PCDHGB6: variants seen among roughly 807,000 people sequenced by gnomAD.
PCDHGB6 encodes the protein protocadherin gamma subfamily B, 6.
A neutral mutation model predicts 59.1 loss-of-function variants in PCDHGB6; 51 were observed. The observed-to-expected ratio is 0.86, with a 90% CI of 0.69 to 1.09. The LOEUF is 1.09. Among genes scored for constraint, PCDHGB6 ranks in the 50% least tolerant of loss-of-function variants. PCDHGB6 has a pLI of 0.00. For missense variants in PCDHGB6, 1,148 were observed against 1,205.1 expected, an observed-to-expected ratio of 0.95 and a Z score of 0.70; for synonymous variants, 466 against 495.1, an observed-to-expected ratio of 0.94 and a Z score of 0.78.
At chr5:141,420,403 G>T in intron 1 of PCDHGB6, 3 of 1,246,014 alleles carry the variant, frequency 2.4e-6, no homozygotes, top group East Asian at 2.8e-5. Context: ...TCAAATTTAT[G>T]GTTATCATTA....
chr5:141,422,028 A>C, intron 1 of PCDHGB6: 1 of 1,611,196 alleles, frequency 6.2e-7, no homozygotes, highest in Non-Finnish European at 8.5e-7. Flanking sequence ...TGGTTAATGC[A>C]ACGGATCCAG....
chr5:141,497,892 C>T (rs2099780275), intron 2 of PCDHGB6, among the ~76,000 whole-genome samples: 1 of 152,138 alleles, frequency 6.6e-6, no homozygotes, highest in Admixed American at 6.6e-5. Flanking sequence ...AGGATCTAGT[C>T]CAGTAACTTC....
At chr5:141,446,669 C>T (rs554578186) in intron 1 of PCDHGB6, among the ~76,000 whole-genome samples, 2 of 152,182 alleles carry the variant, frequency 1.3e-5, no homozygotes, top group Admixed American at 1.3e-4. Flanking sequence ...TACAAGACAG[C>T]ATTTCACCAT....
chr5:141,422,513 G>T, intron 1 of PCDHGB6: 2 of 1,614,000 alleles, frequency 1.2e-6, no homozygotes, highest in Non-Finnish European at 1.7e-6. Context: ...ACAGACCAGG[G>T]AAGCCCGCCT....
rs746614262 is a variant in PCDHGB6, at chr5:141,409,360, A to G, written c.1158A>G (p.Ile386Met). ...GAAATGGAGAAGTCAGGTGTAATAT[A>G]GAAACAGACATTCCATTCAAGATTT... Reference protein sequence around the residue: ...FGGNGEVRCNIETDIPFKIYS... With the variant: ...FGGNGEVRCNMETDIPFKIYS... Residue 386 changes from isoleucine to methionine, a missense_variant, in exon 1 of 4, where the codon ATA (isoleucine) becomes ATG (methionine). Physicochemically the swap from Ile to Met is conservative, Grantham distance 10. Around this residue, in one of 5 missense-constraint regions of PCDHGB6, gnomAD observed 549 missense variants for 527.5 expected, o/e 1.04. Coordinates refer to ENST00000520790, the MANE Select transcript of PCDHGB6 (RefSeq NM_018926.3). 2 of 1,614,014 alleles carry G rather than the reference A, an allele frequency of 1.2e-6. No homozygotes were observed. Among genetic ancestry groups the G allele is most frequent in the Admixed American group, 3.3e-5 (2 of 60,030 alleles).
chr5:141,415,649 A>G (rs1179309556), intron 1 of PCDHGB6: 1 of 1,597,606 alleles, frequency 6.3e-7, no homozygotes, highest in Non-Finnish European at 8.5e-7. Context: ...GTTAAAAAAA[A>G]AAAGATTGGT....
intron 1 of PCDHGB6, chr5:141,417,977 G>A (rs752463782): frequency 6.2e-7 from 1 of 1,613,872 alleles, no homozygotes; most frequent in Admixed American, 1.7e-5. Flanking sequence ...GATTCCGGAG[G>A]AGCTGGCCAA....
intron 1 of PCDHGB6, chr5:141,427,003 T>C: frequency 2.2e-6 from 1 of 456,764 alleles, no homozygotes; most frequent in South Asian, 1.5e-5. Flanking sequence ...GCCCCAGTTT[T>C]TAGCCAGGAT....
chr5:141,448,421 A>G (rs1380029405), intron 1 of PCDHGB6, among the ~76,000 whole-genome samples: 1 of 152,132 alleles, frequency 6.6e-6, no homozygotes, highest in Non-Finnish European at 1.5e-5. Flanking sequence ...ACAATATACT[A>G]TGTATATATT....
chr5:141,418,928 A>T (rs762769886), intron 1 of PCDHGB6: 1 of 1,613,978 alleles, frequency 6.2e-7, no homozygotes, highest in East Asian at 2.2e-5. Context: ...TGATCAGATT[A>T]TGGAGGATTC....
intron 1 of PCDHGB6, chr5:141,441,637 C>T (rs1200679247): frequency 4.4e-6 from 1 of 228,574 alleles, no homozygotes; most frequent in South Asian, 4.8e-5. Context: ...GAGCCACAGG[C>T]GCTGTGATTC....
At chr5:141,505,305 C>T (rs1363643214) in intron 2 of PCDHGB6, 88 bp from the exon 3 acceptor site, 2 of 1,595,104 alleles carry the variant, frequency 1.3e-6, no homozygotes, top group Admixed American at 1.7e-5. Flanking sequence ...GGTTAGGGTA[C>T]TAGGTTTGGG....
intron 1 of PCDHGB6, chr5:141,416,482 A>G (rs1009921478): frequency 6.6e-6 from 1 of 152,210 alleles, no homozygotes; most frequent in East Asian, 1.9e-4. Context: ...TGTTCCCGAG[A>G]ACAGGAGCAA....
At chr5:141,423,169 C>G (rs747206648) in intron 1 of PCDHGB6, 2 of 1,613,460 alleles carry the variant, frequency 1.2e-6, no homozygotes, top group Admixed American at 3.3e-5. Context: ...GGTGGCCGTC[C>G]AGGACCACGG....
intron 1 of PCDHGB6, chr5:141,422,820 G>A (rs904706749): frequency 6.2e-6 from 10 of 1,614,178 alleles, no homozygotes; most frequent in Non-Finnish European, 7.6e-6. Flanking sequence ...ACTTAGAACT[G>A]AGAGTGATAG....
chr5:141,427,995 G>C (rs1292989797), intron 1 of PCDHGB6: 2 of 1,599,590 alleles, frequency 1.3e-6, no homozygotes, highest in African/African-American at 2.7e-5. Flanking sequence ...CGATGGCTCC[G>C]CACTCTTCGA....
chr5:141,423,382 C>G, intron 1 of PCDHGB6: 1 of 1,614,118 alleles, frequency 6.2e-7, no homozygotes, highest in Non-Finnish European at 8.5e-7. Flanking sequence ...CAGGCTGTGG[C>G]GCTGGCATAA....
intron 1 of PCDHGB6, among the ~76,000 whole-genome samples, chr5:141,438,139 T>C (rs2097931816): frequency 6.6e-6 from 1 of 152,152 alleles, no homozygotes. Context: ...TGGCAAAAGA[T>C]AGCCAGCCTA....
Position 141,431,789 on chromosome 5 carries a change from G to A in PCDHGB6, c.2418+21169G>A, listed in dbSNP as rs760507500. On this transcript the variant is annotated intron_variant, in intron 1 of 3. Coordinates refer to ENST00000520790, the MANE Select transcript of PCDHGB6 (RefSeq NM_018926.3). This position sits in a 1 kb window ranked among gnomAD's most constrained non-coding sequence, Gnocchi z 4.8. ...CACTGTTCTGGACGTGAACGACAATGCCCCAGAAGTGGTCCTCACCTCTCT... is the reference window on the plus strand; with the variant it reads ...CACTGTTCTGGACGTGAACGACAATACCCCAGAAGTGGTCCTCACCTCTCT... 7.4e-6 allele frequency: 12 copies of A among 1,614,096 alleles called. No homozygotes were observed. The highest frequency in any genetic ancestry group is 5.9e-6 in the Non-Finnish European group (7 of 1,180,042).
Sources: gnomAD v4.1 joint callset for allele counts (sites outside exome capture counted in the v4.1 genomes callset) on GRCh38, gnomAD v4.1.1 for gene constraint, gnomAD v4.1.1 regional missense constraint, Gnocchi (gnomAD v3.1) non-coding constraint, MANE v1.5 for transcripts, NCBI Gene and HGNC (gene_info 2026-07-23, HGNC 2026-07-21) for gene names.